Variants in RASGRP3 observed in about 807,000 individuals in gnomAD.
RASGRP3 encodes the protein RAS guanyl releasing protein 3.
A neutral mutation model predicts 82.7 loss-of-function variants in RASGRP3; 54 were observed. The observed-to-expected ratio is 0.65, with a 90% CI of 0.52 to 0.82. The LOEUF (loss-of-function observed/expected upper bound fraction) is 0.82. Among genes scored for constraint, RASGRP3 ranks in the 40% least tolerant of loss-of-function variants. RASGRP3 has a pLI of 0.00. For missense variants in RASGRP3, 861 were observed against 828.9 expected (o/e 1.04, Z -0.48); for synonymous variants, 309 against 300.5 (o/e 1.03, Z -0.29).
At chr2:33,441,661 C>A (rs1665232333) in intron 1 of RASGRP3, among the ~76,000 whole-genome samples, 1 of 152,204 alleles carries the variant, frequency 6.6e-6, no homozygotes, top group Non-Finnish European at 1.5e-5. Context: ...AATACTTCAC[C>A]TGTTTACCAT....
intron 1 of RASGRP3, among the ~76,000 whole-genome samples, chr2:33,480,069 G>T (rs1281300619): frequency 1.5e-5 from 2 of 133,760 alleles, no homozygotes; most frequent in South Asian, 4.8e-4. Flanking sequence ...TTTTGAGACA[G>T]TCTCGCTCTG....
At chr2:33,496,500 C>A (rs1463362533) in intron 1 of RASGRP3, among the ~76,000 whole-genome samples, 1 of 152,148 alleles carries the variant, frequency 6.6e-6, no homozygotes, top group Non-Finnish European at 1.5e-5. Context: ...GCCTATGTTA[C>A]AACAAAGATA....
chr2:33,495,546 C>G (rs1291928492), intron 1 of RASGRP3, among the ~76,000 whole-genome samples: 3 of 151,880 alleles, frequency 2.0e-5, no homozygotes, highest in Non-Finnish European at 4.4e-5. Flanking sequence ...CCCTGGTTTA[C>G]AGGACCAGGA....
In RASGRP3 at chr2:33,502,989, A is replaced by G. The variant is rs1337305674; in HGVS notation, c.-260-8721A>G. ...ATCTGGCATGGTAGCAAACCAGTCT[A>G]TCAACCTCTAAAATTCTTAAGAACT... On this transcript the variant is annotated intron_variant, in intron 1 of 17. Coordinates refer to ENST00000403687, the MANE Select transcript of RASGRP3 (RefSeq NM_001139488.2). Among the ~76,000 whole-genome samples, 3 of 152,220 alleles carry G rather than the reference A, an allele frequency of 2.0e-5. No individual in the cohort carries two copies. In the East Asian group the frequency reaches 5.8e-4, roughly 29 times the overall value.
At chr2:33,477,061 G>A (rs1213635189) in intron 1 of RASGRP3, among the ~76,000 whole-genome samples, 4 of 152,026 alleles carry the variant, frequency 2.6e-5, no homozygotes, top group African/African-American at 9.7e-5. Context: ...TTCAGGTTAT[G>A]AAGTAGAGAC....
intron 1 of RASGRP3, among the ~76,000 whole-genome samples, chr2:33,447,316 C>G (rs1665556312): frequency 1.3e-5 from 2 of 152,222 alleles, no homozygotes; most frequent in South Asian, 4.1e-4. Flanking sequence ...GGAACACTCT[C>G]TTATTTCTTC....
intron 1 of RASGRP3, among the ~76,000 whole-genome samples, chr2:33,506,742 G>T (rs1171063370): frequency 1.3e-5 from 2 of 152,180 alleles, no homozygotes; most frequent in Non-Finnish European, 2.9e-5. Flanking sequence ...ACAGTATTAA[G>T]TGTGGCTCCT....
At chr2:33,548,586 A>AGAG (rs1169425187) in intron 13 of RASGRP3, among the ~76,000 whole-genome samples, 1 of 152,088 alleles carries the variant, frequency 6.6e-6, no homozygotes, top group African/African-American at 2.4e-5. Context: ...GACTCCCAAG[A>AGAG]GAGGACATAG....
At position 33,498,092 on chromosome 2, in the gene RASGRP3, G is replaced by A. The variant is rs1473631471; in HGVS notation, c.-260-13618G>A. On this transcript the variant is annotated intron_variant, in intron 1 of 17. Coordinates refer to ENST00000403687, the MANE Select transcript of RASGRP3 (RefSeq NM_001139488.2). The stretch of plus-strand genomic sequence containing the variant: ...TAAAATGTATGTGGCTTATGAATTT[G>A]AGAGGAGTGACAGAAATAGGAATCA... Among the ~76,000 whole-genome samples the A allele has an allele frequency of 2.6e-5, 4 of 152,036 alleles. No individual in the cohort carries two copies. In the East Asian group the frequency reaches 7.7e-4, roughly 29 times the overall value.
intron 2 of RASGRP3, among the ~76,000 whole-genome samples, chr2:33,464,046 G>A (rs1299275487): frequency 3.3e-5 from 5 of 150,578 alleles, no homozygotes; most frequent in African/African-American, 1.2e-4. Flanking sequence ...TTTTCCATTA[G>A]CATGTGTTCA....
rs1445123169 is a variant in RASGRP3 at position 33,541,179 on chromosome 2, TC to T, written c.1278+1970del. Among the ~76,000 whole-genome samples, 17 of 147,144 alleles carry T rather than the reference TC, an allele frequency of 1.2e-4. 2 individuals carry two copies. The highest frequency in any genetic ancestry group is 3.6e-4 in the African/African-American group (15 of 41,136). On this transcript the variant is annotated intron_variant, in intron 12 of 17. Transcript: ENST00000403687. Reference sequence around the variant, plus strand: ...GGCAATGGGAAACTTTTTTTATTCTTCTCTGATTATAAAGGAAGATAGAATC... The same window carrying T: ...GGCAATGGGAAACTTTTTTTATTCTTTCTGATTATAAAGGAAGATAGAATC...
intron 2 of RASGRP3, among the ~76,000 whole-genome samples, chr2:33,448,431 G>A (rs1188719123): frequency 1.3e-5 from 2 of 151,920 alleles, no homozygotes; most frequent in Non-Finnish European, 2.9e-5. Flanking sequence ...ATCAACAGAT[G>A]AAGAGATAAA....
chr2:33,454,623 A>C (rs1665950110), intron 2 of RASGRP3, among the ~76,000 whole-genome samples: 1 of 152,200 alleles, frequency 6.6e-6, no homozygotes, highest in Admixed American at 6.5e-5. Flanking sequence ...TTTTTGCCCA[A>C]GTGGGAGATC....
At chr2:33,468,059 T>C (rs1666828728) in intron 2 of RASGRP3, among the ~76,000 whole-genome samples, 1 of 150,680 alleles carries the variant, frequency 6.6e-6, no homozygotes, top group Non-Finnish European at 1.5e-5. Flanking sequence ...TTAGTGTACA[T>C]GATTTGTTTT....
At chr2:33,511,611 A>G (rs1475010456) in intron 1 of RASGRP3, 99 bp from the exon 2 acceptor site, 3 of 152,656 alleles carry the variant, frequency 2.0e-5, no homozygotes, top group Middle Eastern at 3.2e-3. Context: ...AATACCACCT[A>G]TAACTCAAAG....
intron 1 of RASGRP3, among the ~76,000 whole-genome samples, chr2:33,440,229 A>G (rs1665151820): frequency 6.6e-6 from 1 of 152,192 alleles, no homozygotes; most frequent in African/African-American, 2.4e-5. Context: ...CTGGAAATAA[A>G]AACGACAACA....
intron 2 of RASGRP3, among the ~76,000 whole-genome samples, chr2:33,454,628 G>A (rs1457279031): frequency 6.6e-6 from 1 of 152,166 alleles, no homozygotes; most frequent in Non-Finnish European, 1.5e-5. Context: ...GCCCAAGTGG[G>A]AGATCACCCA....
intron 5 of RASGRP3, among the ~76,000 whole-genome samples, chr2:33,520,325 C>T (rs1026320166): frequency 3.9e-5 from 6 of 152,282 alleles, no homozygotes; most frequent in Non-Finnish European, 7.3e-5. Flanking sequence ...AGGGTTTCCT[C>T]TCAACTGAAA....
At chr2:33,559,514 G>C (rs763409174) in intron 17 of RASGRP3, 2 of 444,752 alleles carry the variant, frequency 4.5e-6, no homozygotes, top group Non-Finnish European at 9.0e-6. Flanking sequence ...TCAGAGATAC[G>C]AGGCCCTTGA....
Sources: allele counts gnomAD v4.1 joint callset (sites outside exome capture counted in the v4.1 genomes callset), GRCh38; gene constraint gnomAD v4.1.1; transcripts MANE v1.5; gene names NCBI Gene and HGNC (gene_info 2026-07-23, HGNC 2026-07-21).